Variants in TRDN observed in about 807,000 individuals in gnomAD.
The protein encoded by TRDN is triadin.
TRDN carries 161 observed loss-of-function variants against 149.7 expected under a neutral mutation model. The observed-to-expected ratio is 1.08, with a 90% CI of 0.95 to 1.23. The LOEUF is 1.23. TRDN is among the 50% of genes most tolerant of loss of function. The probability of loss-of-function intolerance (pLI) is 0.00; values close to 1 mark genes in which losing one functional copy is unlikely to be tolerated. For missense variants in TRDN, 896 were observed against 823.5 expected (o/e 1.09, Z -1.08); for synonymous variants, 294 against 250.5 (o/e 1.17, Z -1.64).
intron 23 of TRDN, 109 bp from the exon 24 acceptor site, chr6:123,316,604 T>G (rs1291139241): frequency 1.2e-6 from 1 of 853,130 alleles, no homozygotes; most frequent in African/African-American, 1.7e-5. Context: ...TGATTTTTCT[T>G]GTCTGTTTTC....
intron 35 of TRDN, among the ~76,000 whole-genome samples, chr6:123,256,603 T>C (rs958005095): frequency 2.0e-5 from 3 of 152,176 alleles, no homozygotes; most frequent in Non-Finnish European, 4.4e-5. Context: ...TTTTAAAATA[T>C]GTTTGCCTTC....
chr6:123,352,486 A>G, intron 21 of TRDN, 53 bp downstream of exon 21: 1 of 1,602,890 alleles, frequency 6.2e-7, no homozygotes, highest in African/African-American at 1.3e-5. Flanking sequence ...TTTCCTCCGC[A>G]TGTTGTTGTC....
chr6:123,567,828 A>G (rs1029921214), intron 2 of TRDN, among the ~76,000 whole-genome samples: 5 of 152,282 alleles, frequency 3.3e-5, no homozygotes, highest in African/African-American at 1.2e-4. Flanking sequence ...TGGGACACAT[A>G]TCCAAACTAT....
chr6:123,337,629 C>A lies in TRDN; in HGVS notation c.1410G>T (p.Leu470=), dbSNP rs768291815. The A allele has an allele frequency of 2.8e-6, 4 of 1,418,434 alleles. No individual in the cohort carries two copies. Among genetic ancestry groups the A allele is most frequent in the South Asian group, 1.4e-5 (1 of 71,104 alleles). 87.9% of individuals were successfully genotyped at this position (1,418,434 alleles called of 1,614,324 possible). Residue 470 remains leucine (L), a synonymous_variant, in exon 22 of 41, where the codon CTG becomes CTT. Coordinates refer to ENST00000334268, the MANE Select transcript of TRDN (RefSeq NM_006073.4). ...KEKSGKTSSI[L]KDKEPIKGKE... ...AATTAACTCTGTTACCTTTATCTTT[C>A]AGAATTGAAGAAGTCTTCCCAGATT...
intron 21 of TRDN, among the ~76,000 whole-genome samples, chr6:123,339,013 T>TTTTTTG (rs1025885475): frequency 6.6e-6 from 1 of 152,016 alleles, no homozygotes; most frequent in Non-Finnish European, 1.5e-5. Context: ...TTAGGGGTTT[T>TTTTTTG]TTTTTGTTTT....
Position 123,218,733 on chromosome 6 carries a change from G to A in TRDN, c.2058C>T (p.Ile686=). 6.4e-7 allele frequency: 1 copy of A among 1,570,328 alleles called. No homozygotes were observed. Among genetic ancestry groups the A allele is most frequent in the Non-Finnish European group, 8.7e-7 (1 of 1,155,310 alleles). Residue 686 remains isoleucine, a synonymous_variant, in exon 41 of 41, where the codon ATC becomes ATT. Transcript: ENST00000334268. The part of the protein sequence containing the change: ...DVSPTKQKSP[I]SFFQCVYLDG... ...CCAAGTAGACACACTGGAAGAAACT[G>A]ATGGGACCTAAGGAACAGAGCATGA...
At chr6:123,352,663 T>C (rs915246925) in intron 20 of TRDN, 77 bp from the exon 21 acceptor site, 3 of 1,522,296 alleles carry the variant, frequency 2.0e-6, no homozygotes, top group Admixed American at 4.7e-5. Context: ...CATTTTGGAG[T>C]TCTTTCAATG....
intron 12 of TRDN, among the ~76,000 whole-genome samples, chr6:123,412,436 A>G (rs544919769): frequency 6.6e-6 from 1 of 152,366 alleles, no homozygotes; most frequent in South Asian, 2.1e-4. Context: ...ACCTGTGGCT[A>G]GTGGCTGCCA....
chr6:123,386,781 C>T (rs1452966634), intron 14 of TRDN, among the ~76,000 whole-genome samples: 1 of 152,182 alleles, frequency 6.6e-6, no homozygotes, highest in African/African-American at 2.4e-5. Context: ...GTTGCATTAT[C>T]TGGCCCCTTT....
At chr6:123,485,558 A>G (rs1044936097) in intron 9 of TRDN, among the ~76,000 whole-genome samples, 3 of 152,164 alleles carry the variant, frequency 2.0e-5, no homozygotes, top group African/African-American at 7.2e-5. Flanking sequence ...GGGAGAGAAT[A>G]ATAATGCTAC....
intron 9 of TRDN, among the ~76,000 whole-genome samples, chr6:123,476,866 G>C (rs1286222691): frequency 6.6e-6 from 1 of 151,852 alleles, no homozygotes; most frequent in East Asian, 1.9e-4. Flanking sequence ...TATGTAGAAA[G>C]CTGAAACTGG....
At chr6:123,307,723 T>G (rs973153596) in intron 24 of TRDN, among the ~76,000 whole-genome samples, 1 of 152,008 alleles carries the variant, frequency 6.6e-6, no homozygotes, top group African/African-American at 2.4e-5. Flanking sequence ...TGAAAGTGTT[T>G]CCACTTTGGG....
intron 12 of TRDN, among the ~76,000 whole-genome samples, chr6:123,421,125 T>C (rs1047298569): frequency 2.6e-5 from 4 of 152,148 alleles, no homozygotes; most frequent in African/African-American, 9.7e-5. Context: ...CTGATACATG[T>C]TTTCTTTTCC....
intron 12 of TRDN, among the ~76,000 whole-genome samples, chr6:123,409,102 G>GGTGATGTT (rs1773323266): frequency 6.6e-6 from 1 of 152,054 alleles, no homozygotes; most frequent in Non-Finnish European, 1.5e-5. Flanking sequence ...ACATAGACTG[G>GGTGATGTT]GTGATGTTAC....
chr6:123,305,421 T>G (rs1433900001), intron 24 of TRDN, among the ~76,000 whole-genome samples: 6 of 152,196 alleles, frequency 3.9e-5, no homozygotes, highest in African/African-American at 1.2e-4. Context: ...AGACTAGGTC[T>G]TAAATTGTTT....
chr6:123,381,390 A>T lies in TRDN; in HGVS notation c.1166T>A (p.Val389Glu). 6.4e-7 allele frequency: 1 copy of T among 1,557,180 alleles called. No individual in the cohort carries two copies. The highest frequency in any genetic ancestry group is 1.2e-5 in the South Asian group (1 of 84,438). ...CTTACTTTTTCCCTTGGGTTGTTCT[A>T]CTGAAAGAAATACAAACAAAATCAT... ...DSKKTKKPAE[V>E]EQPKGKKQEK... The change falls in exon 16 of 41, where the codon GTA becomes GAA. Residue 389 changes from valine to glutamate, a missense_variant and splice_region_variant. Transcript: ENST00000334268.
At chr6:123,301,786 TAC>T (rs1554221700) in intron 24 of TRDN, among the ~76,000 whole-genome samples, 5 of 90,486 alleles carry the variant, frequency 5.5e-5, no homozygotes, top group East Asian at 1.0e-3. Flanking sequence ...TATATATATA[TAC>T]ATAAATGAAA....
chr6:123,429,280 A>T (rs1233894633), intron 12 of TRDN: 1 of 152,202 alleles, frequency 6.6e-6, no homozygotes, highest in Non-Finnish European at 1.5e-5. Context: ...AAAGTGGATT[A>T]TAATGGTTAC....
At chr6:123,311,351 T>A (rs1488048021) in intron 24 of TRDN, among the ~76,000 whole-genome samples, 1 of 151,770 alleles carries the variant, frequency 6.6e-6, no homozygotes, top group Non-Finnish European at 1.5e-5. Flanking sequence ...CCTCAACACA[T>A]GAGGATTATG....
Sources: allele counts gnomAD v4.1 joint callset (sites outside exome capture counted in the v4.1 genomes callset), GRCh38; gene constraint gnomAD v4.1.1; transcripts MANE v1.5; gene names NCBI Gene and HGNC (gene_info 2026-07-23, HGNC 2026-07-21).